The following COL7A1 variants were observed in gnomAD, a reference collection of about 807,000 sequenced individuals.
COL7A1 encodes collagen type VII alpha 1 chain, also known as collagen alpha-1(VII) chain.
A neutral mutation model predicts 456.2 loss-of-function variants in COL7A1; 296 were observed. The observed-to-expected ratio is 0.65, with a 90% CI of 0.59 to 0.71. The LOEUF is 0.71. Among genes scored for constraint, COL7A1 ranks in the 30% least tolerant of loss-of-function variants. COL7A1 has a pLI of 0.00. For synonymous variants in COL7A1, 1,464 were observed against 1,525.9 expected (o/e 0.96, Z 0.95); for missense variants, 3,441 against 4,017.2 (o/e 0.86, Z 3.88).
Position 48,573,883 on chromosome 3 carries a change from T to G in COL7A1, c.6509A>C (p.Gln2170Pro), listed in dbSNP as rs374097021. The change falls in exon 81 of 119, where the codon CAG (glutamine) becomes CCG (proline). Residue 2170 changes from glutamine to proline, a missense_variant. By Grantham distance (76) the Gln-to-Pro change is moderately conservative. This residue lies in a region of COL7A1 where 2,084 missense variants were observed against 2,501.3 expected (regional missense o/e 0.83). Coordinates refer to ENST00000681320, the MANE Select transcript of COL7A1 (RefSeq NM_000094.4). The surrounding 1 kb of genome is among the most constrained non-coding windows in gnomAD (Gnocchi z 5.5). ...TGGGCCAGGGGGGCCTCTTGGACCC[T>G]GCAGACCCTACATAGAGAGGGCACT... ...MAGPEGKPGL[Q>P]GPRGPPGPVG... is the part of the protein sequence containing the mutation. 9.3e-6 allele frequency: 15 copies of G among 1,613,580 alleles called. No individual in the cohort carries two copies. Among genetic ancestry groups the G allele is most frequent in the Admixed American group, 1.7e-5 (1 of 59,984 alleles).
At position 48,564,509 on chromosome 3, in the gene COL7A1, G is replaced by A. The variant is rs181622484; in HGVS notation, c.8819-87C>T. The A allele has an allele frequency of 3.1e-5, 48 of 1,526,378 alleles. No homozygotes were observed. Among genetic ancestry groups the A allele is most frequent in the Middle Eastern group, 3.6e-4 (2 of 5,508 alleles). The allele number at this position is 1,526,378 out of a possible 1,614,324, so 94.6% of individuals were successfully genotyped here. A position where few individuals can be genotyped will look rare whatever the true frequency, so the allele number is the denominator to read the frequency against. On this transcript the variant is annotated intron_variant, in intron 118 of 118. Transcript: ENST00000681320. The surrounding 1 kb of genome is among the most constrained non-coding windows in gnomAD (Gnocchi z 6.0). ...AGAGGCACCGCCAAGGGGAGGGAGC[G>A]GAGGCTACAACAGGAAGTGGGGGCT...
Position 48,568,450 on chromosome 3 carries a change from G to A in COL7A1, c.7794+49C>T, listed in dbSNP as rs749145831. On this transcript the variant is annotated intron_variant, in intron 105 of 118. Transcript: ENST00000681320. The surrounding 1 kb of genome is among the most constrained non-coding windows in gnomAD (Gnocchi z 5.2). ...ACACTGGTGGGACCACCATGGTGACGGGGGCCCTCTGGGGACAGGGGGCCC... is the reference window on the plus strand; with the variant it reads ...ACACTGGTGGGACCACCATGGTGACAGGGGCCCTCTGGGGACAGGGGGCCC... The A allele has an allele frequency of 2.0e-5, 31 of 1,546,048 alleles. No individual in the cohort carries two copies. The highest frequency in any genetic ancestry group is 2.7e-5 in the African/African-American group (2 of 73,292).
At position 48,574,833 on chromosome 3, in the gene COL7A1, A is replaced by C. The variant is rs142907473; in HGVS notation, c.6312T>G (p.Ser2104=). The change falls in exon 77 of 119, where the codon TCT becomes TCG. Residue 2104 remains serine, a synonymous_variant. Transcript: ENST00000681320. The surrounding 1 kb of genome is among the most constrained non-coding windows in gnomAD (Gnocchi z 5.0). ...VSVDEPGPGL[S]GEQGPPGLKG... Reference sequence around the variant, plus strand: ...TGAGTCCAGGGGGTCCCTGTTCTCCAGAGAGTCCAGGACCTGGCTCATCCA... The same window carrying C: ...TGAGTCCAGGGGGTCCCTGTTCTCCCGAGAGTCCAGGACCTGGCTCATCCA... 3.4e-5 allele frequency: 55 copies of C among 1,613,846 alleles called. No homozygotes were observed. The African/African-American group carries it at 4.3e-4, about 13-fold the overall frequency.
Position 48,576,121 on chromosome 3 carries a change from C to T in COL7A1, c.5820+128G>A, listed in dbSNP as rs566930976. 102 of 1,478,058 alleles carry T rather than the reference C, an allele frequency of 6.9e-5. No individual in the cohort carries two copies. In the South Asian group the frequency reaches 1.0e-3, roughly 15 times the overall value. 91.6% of individuals were successfully genotyped at this position (1,478,058 alleles called of 1,614,324 possible). ...CCTTGAGTGTGGGCTACAAGAACCCCAATGGGGCAGGGCACTGAACACACA... is the reference window on the plus strand; with the variant it reads ...CCTTGAGTGTGGGCTACAAGAACCCTAATGGGGCAGGGCACTGAACACACA... On this transcript the variant is annotated intron_variant, in intron 71 of 118. Coordinates refer to ENST00000681320, the MANE Select transcript of COL7A1 (RefSeq NM_000094.4).
Position 48,585,100 on chromosome 3 carries a change from T to A in COL7A1, c.3911A>T (p.Asp1304Val). The A allele has an allele frequency of 6.2e-7, 1 of 1,611,564 alleles. No individual in the cohort carries two copies. Among genetic ancestry groups the A allele is most frequent in the Non-Finnish European group, 8.5e-7 (1 of 1,179,792 alleles). ...GCGGCCAGGGCTGCCTGGACGCCCATCTGCTCCAGGGAAGCCCTGAGGAGG... is the reference window on the plus strand; with the variant it reads ...GCGGCCAGGGCTGCCTGGACGCCCAACTGCTCCAGGGAAGCCCTGAGGAGG... ...AKGERGFPGA[D>V]GRPGSPGRAG... is the part of the protein sequence containing the mutation. Residue 1304 changes from aspartate (D) to valine (V), a missense_variant, in exon 33 of 119, where the codon GAT becomes GTT. By Grantham distance (152) the Asp-to-Val change is radical. Around this residue, in one of 3 missense-constraint regions of COL7A1, gnomAD observed 2,084 missense variants for 2,501.3 expected, o/e 0.83. Transcript: ENST00000681320. The surrounding 1 kb of genome is among the most constrained non-coding windows in gnomAD (Gnocchi z 4.5).
At position 48,578,469 on chromosome 3, in the gene COL7A1, C is replaced by T; in HGVS notation, c.5471G>A (p.Gly1824Asp). Residue 1824 changes from glycine to aspartate, a missense_variant, in exon 64 of 119, where the codon GGT becomes GAT. This residue lies in a region of COL7A1 where 2,084 missense variants were observed against 2,501.3 expected (regional missense o/e 0.83). Coordinates refer to ENST00000681320, the MANE Select transcript of COL7A1 (RefSeq NM_000094.4). This position sits in a 1 kb window ranked among gnomAD's most constrained non-coding sequence, Gnocchi z 4.7. ...RGEQGLPGPS[G>D]PPGLPGKPGE... ...TGGTCTCACCGGTAATCCAGGGGGA[C>T]CAGAGGGGCCAGGGAGGCCCTGTTC... 1 of 1,612,910 alleles carries T rather than the reference C, an allele frequency of 6.2e-7. No homozygotes were observed. Among genetic ancestry groups the T allele is most frequent in the Non-Finnish European group, 8.5e-7 (1 of 1,180,014 alleles).
In COL7A1 at chr3:48,572,496, CACTCACCT is replaced by C; in HGVS notation, c.6935_6936+6del. On this transcript the variant is annotated splice_donor_variant and splice_donor_5th_base_variant and coding_sequence_variant and intron_variant, in exon 89 of 119. Coordinates refer to ENST00000681320, the MANE Select transcript of COL7A1 (RefSeq NM_000094.4). LOFTEE classifies it high-confidence loss of function. This position sits in a 1 kb window ranked among gnomAD's most constrained non-coding sequence, Gnocchi z 4.6. ...CCCCCCTCACTGGCAGCCCCACACACACTCACCTTCTCTCCCTTTGCTCCAGGGAGCCC... is the reference window on the plus strand; with the variant it reads ...CCCCCCTCACTGGCAGCCCCACACACTCTCTCCCTTTGCTCCAGGGAGCCC... The C allele has an allele frequency of 6.2e-7, 1 of 1,613,832 alleles. No homozygotes were observed. Among genetic ancestry groups the C allele is most frequent in the Non-Finnish European group, 8.5e-7 (1 of 1,179,910 alleles).
In COL7A1 at chr3:48,585,834, T is replaced by G; in HGVS notation, c.3782A>C (p.Glu1261Ala). The change falls in exon 30 of 119, where the codon GAG becomes GCG. Residue 1261 changes from glutamate (E) to alanine (A), a missense_variant. This residue lies in a region of COL7A1 where 2,084 missense variants were observed against 2,501.3 expected (regional missense o/e 0.83). Coordinates refer to ENST00000681320, the MANE Select transcript of COL7A1 (RefSeq NM_000094.4). This position sits in a 1 kb window ranked among gnomAD's most constrained non-coding sequence, Gnocchi z 4.5. Reference protein sequence around the residue: ...CPKGQKGEPGEMGLRGQVGPP... With the variant: ...CPKGQKGEPGAMGLRGQVGPP... ...CCCGCCCGCAGGGGCACTCACCATCTCTCCAGGTTCCCCCTTCTGGCCCTG... is the reference window on the plus strand; with the variant it reads ...CCCGCCCGCAGGGGCACTCACCATCGCTCCAGGTTCCCCCTTCTGGCCCTG... The G allele has an allele frequency of 1.2e-6, 2 of 1,613,974 alleles. No homozygotes were observed. The highest frequency in any genetic ancestry group is 1.7e-6 in the Non-Finnish European group (2 of 1,179,998).
Position 48,572,798 on chromosome 3 carries a change from C to G in COL7A1, c.6832-59G>C. 6.2e-7 allele frequency: 1 copy of G among 1,611,488 alleles called. No individual in the cohort carries two copies. The highest frequency in any genetic ancestry group is 8.5e-7 in the Non-Finnish European group (1 of 1,177,904). Reference sequence around the variant, plus strand: ...CTCCACCACCACCCCTGCTGCCCCACTCCTCATATTTCAGGCCCACAGCTG... The same window carrying G: ...CTCCACCACCACCCCTGCTGCCCCAGTCCTCATATTTCAGGCCCACAGCTG... On this transcript the variant is annotated intron_variant, in intron 87 of 118. Coordinates refer to ENST00000681320, the MANE Select transcript of COL7A1 (RefSeq NM_000094.4). The surrounding 1 kb of genome is among the most constrained non-coding windows in gnomAD (Gnocchi z 4.6).
At position 48,564,528 on chromosome 3, in the gene COL7A1, G is replaced by T. The variant is rs539156044; in HGVS notation, c.8819-106C>A. ...GGGAGCGGAGGCTACAACAGGAAGT[G>T]GGGGCTCTGACCTCAGAGGGGTCCA... On this transcript the variant is annotated intron_variant, in intron 118 of 118. Coordinates refer to ENST00000681320, the MANE Select transcript of COL7A1 (RefSeq NM_000094.4). This position sits in a 1 kb window ranked among gnomAD's most constrained non-coding sequence, Gnocchi z 6.0. 1.4e-6 allele frequency: 2 copies of T among 1,404,236 alleles called. No homozygotes were observed. Among genetic ancestry groups the T allele is most frequent in the Non-Finnish European group, 2.0e-6 (2 of 1,005,012 alleles). 87.0% of individuals were successfully genotyped at this position (1,404,236 alleles called of 1,614,324 possible).
Position 48,572,231 on chromosome 3 carries a change from G to C in COL7A1, c.6979-60C>G. On this transcript the variant is annotated intron_variant, in intron 90 of 118. Coordinates refer to ENST00000681320, the MANE Select transcript of COL7A1 (RefSeq NM_000094.4). The surrounding 1 kb of genome is among the most constrained non-coding windows in gnomAD (Gnocchi z 4.6). ...AGTCACAGAAAGATGAGACTCCGGA[G>C]GGAGGCATGGGGCCAGAGCTTAAAT... The C allele has an allele frequency of 6.2e-7, 1 of 1,612,890 alleles. No homozygotes were observed. Among genetic ancestry groups the C allele is most frequent in the Non-Finnish European group, 8.5e-7 (1 of 1,178,948 alleles).
At chr3:48,582,806 G>A (rs947914359) in intron 44 of COL7A1, among the ~76,000 whole-genome samples, 153 bp from the exon 45 acceptor site, 1 of 152,120 alleles carries the variant, frequency 6.6e-6, no homozygotes, top group African/African-American at 2.4e-5. Flanking sequence ...ACAGAGACCA[G>A]GTCAGTGAAA....
chr3:48,583,597 C>T lies in COL7A1; in HGVS notation c.4360G>A (p.Ala1454Thr). ...CCAGGTTGTCCTGGGAGGCCTGGAG[C>T]TCCATCCTCAGAGTCACCCTGAAGG... ...KGEKGDSEDG[A>T]PGLPGQPGSP... The change falls in exon 41 of 119, where the codon GCT (alanine) becomes ACT (threonine). Residue 1454 changes from alanine (A) to threonine (T), a missense_variant. Ala to Thr is a moderately conservative substitution (Grantham distance 58). Around this residue, in one of 3 missense-constraint regions of COL7A1, gnomAD observed 2,084 missense variants for 2,501.3 expected, o/e 0.83. Coordinates refer to ENST00000681320, the MANE Select transcript of COL7A1 (RefSeq NM_000094.4). This position sits in a 1 kb window ranked among gnomAD's most constrained non-coding sequence, Gnocchi z 5.1. 6.2e-7 allele frequency: 1 copy of T among 1,614,068 alleles called. No individual in the cohort carries two copies. Among genetic ancestry groups the T allele is most frequent in the East Asian group, 2.2e-5 (1 of 44,868 alleles).
rs2043841534 is a variant in COL7A1 at position 48,570,505 on chromosome 3, A to G, written c.7345-5T>C. The stretch of plus-strand genomic sequence containing the variant: ...TCCAGAGGCCCCAGGTGGTCCCTGT[A>G]GGTCAGAGTGAGGTGAGGGTCCTGT... On this transcript the variant is annotated splice_polypyrimidine_tract_variant and splice_region_variant and intron_variant, in intron 96 of 118. Coordinates refer to ENST00000681320, the MANE Select transcript of COL7A1 (RefSeq NM_000094.4). The surrounding 1 kb of genome is among the most constrained non-coding windows in gnomAD (Gnocchi z 5.5). 6 of 1,614,046 alleles carry G rather than the reference A, an allele frequency of 3.7e-6. No individual in the cohort carries two copies. The highest frequency in any genetic ancestry group is 5.1e-6 in the Non-Finnish European group (6 of 1,179,968).
chr3:48,582,963 AAG>A lies in COL7A1; in HGVS notation c.4518+48_4518+49del, dbSNP rs2107722492. The A allele has an allele frequency of 3.7e-6, 6 of 1,613,866 alleles. No individual in the cohort carries two copies. The African/African-American group carries it at 4.0e-5, about 11-fold the overall frequency. ...TCAAGGGCAAGAAGTCAGAACCAGAAAGGGCACAGCCAGGTCAGCTGGTATGA... is the reference window on the plus strand; with the variant it reads ...TCAAGGGCAAGAAGTCAGAACCAGAAGGCACAGCCAGGTCAGCTGGTATGA... On this transcript the variant is annotated intron_variant, in intron 44 of 118. Transcript: ENST00000681320.
chr3:48,583,565 C>A lies in COL7A1; in HGVS notation c.4392G>T (p.Pro1464=), dbSNP rs373742757. 6.2e-7 allele frequency: 1 copy of A among 1,614,036 alleles called. No individual in the cohort carries two copies. Among genetic ancestry groups the A allele is most frequent in the East Asian group, 2.2e-5 (1 of 44,864 alleles). Residue 1464 remains proline (P), a synonymous_variant, in exon 41 of 119, where the codon CCG becomes CCT. Transcript: ENST00000681320. This position sits in a 1 kb window ranked among gnomAD's most constrained non-coding sequence, Gnocchi z 5.1. ...APGLPGQPGS[P]GEQGPRGPPG... Reference sequence around the variant, plus strand: ...TGGCCCCTCCACTCACCTGCTCACCCGGAGACCCAGGTTGTCCTGGGAGGC... The same window carrying A: ...TGGCCCCTCCACTCACCTGCTCACCAGGAGACCCAGGTTGTCCTGGGAGGC...
Position 48,572,297 on chromosome 3 carries a change from A to G in COL7A1, c.6978+83T>C. The G allele has an allele frequency of 1.2e-6, 2 of 1,612,586 alleles. No individual in the cohort carries two copies. The highest frequency in any genetic ancestry group is 1.7e-6 in the Non-Finnish European group (2 of 1,178,638). On this transcript the variant is annotated intron_variant, in intron 90 of 118. Transcript: ENST00000681320. The surrounding 1 kb of genome is among the most constrained non-coding windows in gnomAD (Gnocchi z 4.6). Reference sequence around the variant, plus strand: ...AAAGCTGAGGGTCATGAGGGTGGGTAAACTATGGGTCGAAGGTCAGAAGTT... The same window carrying G: ...AAAGCTGAGGGTCATGAGGGTGGGTGAACTATGGGTCGAAGGTCAGAAGTT...
rs910285146 is a variant in COL7A1 at position 48,568,344 on chromosome 3, C to T, written c.7794+155G>A. The stretch of plus-strand genomic sequence containing the variant: ...CATAGGCAGGGGACACCATCATAGG[C>T]GGCTACTGTGGAGGTGGGGGACCCT... On this transcript the variant is annotated intron_variant, in intron 105 of 118. Transcript: ENST00000681320. The surrounding 1 kb of genome is among the most constrained non-coding windows in gnomAD (Gnocchi z 5.2). 97 of 1,041,626 alleles carry T rather than the reference C, an allele frequency of 9.3e-5. No individual in the cohort carries two copies. In the East Asian group the frequency reaches 1.4e-3, roughly 15 times the overall value. 64.5% of individuals were successfully genotyped at this position (1,041,626 alleles called of 1,614,324 possible). A position where few individuals can be genotyped will look rare whatever the true frequency, so the allele number is the denominator to read the frequency against.
At chr3:48,577,715 T>C (rs1294521333) in intron 65 of COL7A1, among the ~76,000 whole-genome samples, 3 of 152,216 alleles carry the variant, frequency 2.0e-5, no homozygotes, top group Admixed American at 6.5e-5. Flanking sequence ...CAAATGTGGC[T>C]ACACACCAGT....
Sources: gnomAD v4.1 joint callset for allele counts (sites outside exome capture counted in the v4.1 genomes callset) on GRCh38, gnomAD v4.1.1 for gene constraint, gnomAD v4.1.1 regional missense constraint, Gnocchi (gnomAD v3.1) non-coding constraint, MANE v1.5 for transcripts, NCBI Gene and HGNC (gene_info 2026-07-23, HGNC 2026-07-21) for gene names.